SLC2A13: variants seen among roughly 807,000 people sequenced by gnomAD.
SLC2A13 encodes proton myo-inositol cotransporter.
In SLC2A13, 32 loss-of-function variants were observed where a neutral mutation model predicts 64.4. The observed-to-expected ratio is 0.50, with a 90% confidence interval of 0.37 to 0.67. The LOEUF (loss-of-function observed/expected upper bound fraction) is 0.67, where lower values mean the gene tolerates loss of function less well. Among genes scored for constraint, SLC2A13 ranks in the 30% least tolerant of loss-of-function variants. The pLI is 0.00. For missense variants in SLC2A13, 743 were observed against 829.2 expected (o/e 0.90, Z 1.28); for synonymous variants, 338 against 327.1 (o/e 1.03, Z -0.36).
intron 4 of SLC2A13, among the ~76,000 whole-genome samples, chr12:39,941,919 C>G (rs1377235591): frequency 1.3e-5 from 2 of 152,164 alleles, no homozygotes; most frequent in Non-Finnish European, 2.9e-5. Context: ...GTTTCATTCT[C>G]CTACATGTGG....
chr12:39,941,887 T>C (rs1946033804), intron 4 of SLC2A13, among the ~76,000 whole-genome samples: 1 of 152,226 alleles, frequency 6.6e-6, no homozygotes, highest in Admixed American at 6.5e-5. Flanking sequence ...TGATTTTTCA[T>C]AAGGTGAGAG....
At chr12:40,031,767 G>C (rs1947908819) in intron 2 of SLC2A13, among the ~76,000 whole-genome samples, 1 of 152,156 alleles carries the variant, frequency 6.6e-6, no homozygotes, top group Non-Finnish European at 1.5e-5. Flanking sequence ...ACGATGTGCA[G>C]ACTGGAGAAT....
At chr12:39,872,363 G>A (rs999618093) in intron 4 of SLC2A13, among the ~76,000 whole-genome samples, 6 of 152,178 alleles carry the variant, frequency 3.9e-5, no homozygotes, top group Non-Finnish European at 8.8e-5. Context: ...GTGAATTAAT[G>A]TCCTTAAAAG....
At chr12:39,966,034 C>A (rs1286543386) in intron 3 of SLC2A13, among the ~76,000 whole-genome samples, 1 of 151,002 alleles carries the variant, frequency 6.6e-6, no homozygotes, top group African/African-American at 2.4e-5. Flanking sequence ...TCATTAAAAT[C>A]TTTTTTTCAT....
At chr12:40,015,499 C>T (rs937771653) in intron 3 of SLC2A13, among the ~76,000 whole-genome samples, 2 of 152,170 alleles carry the variant, frequency 1.3e-5, no homozygotes, top group African/African-American at 4.8e-5. Context: ...TTGAATAAAA[C>T]TAAAGGCAAA....
intron 1 of SLC2A13, among the ~76,000 whole-genome samples, chr12:40,075,295 A>G (rs535022347): frequency 7.9e-5 from 12 of 152,228 alleles, no homozygotes; most frequent in Admixed American, 7.2e-4. Flanking sequence ...CAATTTGTCA[A>G]CTATAATGCA....
chr12:39,966,158 GTA>G (rs1412788552), intron 3 of SLC2A13, among the ~76,000 whole-genome samples: 2 of 151,634 alleles, frequency 1.3e-5, no homozygotes, highest in African/African-American at 2.4e-5. Flanking sequence ...GAGAGGTGGG[GTA>G]TGTGTGTGTA....
intron 2 of SLC2A13, among the ~76,000 whole-genome samples, chr12:40,047,674 A>G (rs540015482): frequency 1.3e-5 from 2 of 152,316 alleles, no homozygotes; most frequent in Admixed American, 1.3e-4. Flanking sequence ...AGCTTCCAGA[A>G]TGCAAAAAGG....
chr12:40,050,654 A>G (rs1948239848), intron 1 of SLC2A13, among the ~76,000 whole-genome samples: 1 of 152,196 alleles, frequency 6.6e-6, no homozygotes, highest in Non-Finnish European at 1.5e-5. Context: ...TCCATTTTTC[A>G]TACCTCAGGT....
At chr12:40,023,860 A>G (rs963980982) in intron 3 of SLC2A13, among the ~76,000 whole-genome samples, 4 of 152,224 alleles carry the variant, frequency 2.6e-5, no homozygotes, top group African/African-American at 9.6e-5. Flanking sequence ...ATGAATGAAA[A>G]CTGGAACTAT....
intron 1 of SLC2A13, among the ~76,000 whole-genome samples, chr12:40,099,040 G>T (rs1939058239): frequency 6.6e-6 from 1 of 152,228 alleles, no homozygotes; most frequent in Non-Finnish European, 1.5e-5. Flanking sequence ...TTGGACACAT[G>T]CTGCAGACCG....
At chr12:39,816,259 A>G (rs1193215508) in intron 7 of SLC2A13, among the ~76,000 whole-genome samples, 1 of 152,102 alleles carries the variant, frequency 6.6e-6, no homozygotes, top group African/African-American at 2.4e-5. Context: ...TCTACAAACA[A>G]AAATTTCCTT....
chr12:39,825,134 G>A (rs1942633766), intron 7 of SLC2A13, among the ~76,000 whole-genome samples: 1 of 152,082 alleles, frequency 6.6e-6, no homozygotes, highest in African/African-American at 2.4e-5. Context: ...TCTAATTACA[G>A]AGCTAAAGTG....
intron 7 of SLC2A13, among the ~76,000 whole-genome samples, chr12:39,804,790 A>G (rs1268643927): frequency 6.6e-6 from 1 of 152,182 alleles, no homozygotes; most frequent in Non-Finnish European, 1.5e-5. Context: ...ATACAGATAC[A>G]TTTATATTTA....
At chr12:39,822,012 G>A (rs1942529991) in intron 7 of SLC2A13, among the ~76,000 whole-genome samples, 2 of 151,686 alleles carry the variant, frequency 1.3e-5, no homozygotes, top group Admixed American at 6.6e-5. Flanking sequence ...CTGGTGCGCT[G>A]CACACACTAA....
chr12:40,016,837 T>C (rs1419209484), intron 3 of SLC2A13, among the ~76,000 whole-genome samples: 1 of 152,212 alleles, frequency 6.6e-6, no homozygotes, highest in African/African-American at 2.4e-5. Context: ...ATACTTGATG[T>C]CAAAAAATAA....
chr12:40,019,240 G>A (rs951918592), intron 3 of SLC2A13, among the ~76,000 whole-genome samples: 1 of 152,200 alleles, frequency 6.6e-6, no homozygotes, highest in Non-Finnish European at 1.5e-5. Context: ...TGATTTTGAA[G>A]TTCATTGGCT....
rs556756582 is a variant in SLC2A13 at position 40,056,717 on chromosome 12, A to T, written c.557-8507T>A. ...GAAATGCACAAGGAATATGTACAGA[A>T]TATGACTAGCCCAGGACTAGAATTT... On this transcript the variant is annotated intron_variant, in intron 1 of 9. Transcript: ENST00000280871. 4.6e-5 allele frequency among the ~76,000 whole-genome samples: 7 copies of T among 152,350 alleles called. No individual in the cohort carries two copies. The East Asian group carries it at 9.6e-4, about 21-fold the overall frequency.
At chr12:39,937,150 T>G (rs1193527522) in intron 4 of SLC2A13, among the ~76,000 whole-genome samples, 3 of 152,172 alleles carry the variant, frequency 2.0e-5, no homozygotes, top group African/African-American at 7.2e-5. Flanking sequence ...GAAGAATAAA[T>G]GTAAATCTGG....
Sources: allele counts gnomAD v4.1 joint callset (sites outside exome capture counted in the v4.1 genomes callset), GRCh38; gene constraint gnomAD v4.1.1; transcripts MANE v1.5; gene names NCBI Gene and HGNC (gene_info 2026-07-23, HGNC 2026-07-21).